Variants in GALNTL6 observed in about 807,000 individuals in gnomAD.
GALNTL6 encodes the protein polypeptide N-acetylgalactosaminyltransferase like 6, also known as polypeptide N-acetylgalactosaminyltransferase-like 6.
Under a neutral mutation model 73.7 loss-of-function variants are expected in GALNTL6, and 46 were observed. The ratio of observed to expected loss-of-function variants is 0.62; its 90% confidence interval spans 0.49 to 0.80. The LOEUF is 0.80. GALNTL6 is among the 30% of genes least tolerant of loss of function. The probability of loss-of-function intolerance (pLI) is 0.00; values close to 1 mark genes in which losing one functional copy is unlikely to be tolerated. For synonymous variants in GALNTL6, 259 were observed against 263.7 expected, an observed-to-expected ratio of 0.98 and a Z score of 0.17; for missense variants, 604 against 755.0, an observed-to-expected ratio of 0.80 and a Z score of 2.34.
At chr4:171,865,258 T>C (rs766503788) in intron 2 of GALNTL6, among the ~76,000 whole-genome samples, 1 of 152,086 alleles carries the variant, frequency 6.6e-6, no homozygotes, top group Non-Finnish European at 1.5e-5. Flanking sequence ...AGAAATGAAT[T>C]GTGAAATATA....
At chr4:172,216,570 C>T (rs1184024063) in intron 2 of GALNTL6, among the ~76,000 whole-genome samples, 2 of 151,994 alleles carry the variant, frequency 1.3e-5, no homozygotes, top group East Asian at 3.9e-4. Flanking sequence ...TTGGTATTCT[C>T]TGTTTTTCTT....
intron 2 of GALNTL6, among the ~76,000 whole-genome samples, chr4:172,121,218 T>G (rs1400122942): frequency 6.6e-6 from 1 of 151,156 alleles, no homozygotes; most frequent in African/African-American, 2.4e-5. Context: ...AAGTCCAAGT[T>G]TGGACAGGCA....
At chr4:171,894,454 G>A (rs751173930) in intron 2 of GALNTL6, among the ~76,000 whole-genome samples, 1 of 152,146 alleles carries the variant, frequency 6.6e-6, no homozygotes, top group Non-Finnish European at 1.5e-5. Context: ...ACTCTAGATA[G>A]GCATAGTAAG....
intron 2 of GALNTL6, among the ~76,000 whole-genome samples, chr4:172,197,025 T>C (rs577053705): frequency 4.0e-4 from 61 of 152,288 alleles, no homozygotes; most frequent in African/African-American, 1.4e-3. Flanking sequence ...GACATGATTC[T>C]ATATCTAGAA....
intron 3 of GALNTL6, among the ~76,000 whole-genome samples, chr4:172,247,321 C>T (rs898279178): frequency 6.6e-6 from 1 of 152,144 alleles, no homozygotes; most frequent in Admixed American, 6.5e-5. Flanking sequence ...AAAGCATTAT[C>T]CCCTATTTTT....
chr4:172,059,638 A>G (rs958668194), intron 2 of GALNTL6, among the ~76,000 whole-genome samples: 2 of 152,208 alleles, frequency 1.3e-5, no homozygotes, highest in Non-Finnish European at 2.9e-5. Context: ...TGGAGCTGAA[A>G]AAAAGTCATG....
At chr4:172,599,547 C>T (rs9990624) in intron 5 of GALNTL6, among the ~76,000 whole-genome samples, 19,057 of 152,016 alleles carry the variant, frequency 0.13, 1,333 homozygotes, top group East Asian at 0.22. Flanking sequence ...ATGCCCTTAA[C>T]GATTTAAAGG....
chr4:172,676,159 T>G (rs1314080662), intron 5 of GALNTL6, among the ~76,000 whole-genome samples: 1 of 152,232 alleles, frequency 6.6e-6, no homozygotes, highest in African/African-American at 2.4e-5. Context: ...CTTTTATTAC[T>G]TAGCCATGTA....
chr4:172,858,556 A>G (rs1027325099), intron 7 of GALNTL6, among the ~76,000 whole-genome samples: 1 of 152,188 alleles, frequency 6.6e-6, no homozygotes, highest in Non-Finnish European at 1.5e-5. Context: ...CTGGCCTGGC[A>G]TAGTGGCTCA....
At chr4:172,919,070 T>A (rs2111286988) in intron 8 of GALNTL6, among the ~76,000 whole-genome samples, 1 of 152,358 alleles carries the variant, frequency 6.6e-6, no homozygotes, top group South Asian at 2.1e-4. Flanking sequence ...AGCATTTGAC[T>A]GAGTGCTTGT....
chr4:171,973,819 A>G (rs944879085), intron 2 of GALNTL6, among the ~76,000 whole-genome samples: 3 of 152,142 alleles, frequency 2.0e-5, no homozygotes, highest in Non-Finnish European at 4.4e-5. Flanking sequence ...TTTGTCACTT[A>G]TATGGTACCA....
chr4:173,033,744 C>T (rs1376522701), intron 12 of GALNTL6, among the ~76,000 whole-genome samples: 1 of 152,200 alleles, frequency 6.6e-6, no homozygotes, highest in African/African-American at 2.4e-5. Context: ...TAATTCCAAG[C>T]CTTCATTCCC....
intron 7 of GALNTL6, among the ~76,000 whole-genome samples, chr4:172,826,663 T>C (rs948653113): frequency 1.3e-5 from 2 of 152,192 alleles, no homozygotes; most frequent in African/African-American, 4.8e-5. Context: ...GACATCCCTT[T>C]AGCCTCCAGA....
intron 5 of GALNTL6, among the ~76,000 whole-genome samples, chr4:172,797,198 T>G (rs1432941548): frequency 6.6e-6 from 1 of 152,172 alleles, no homozygotes; most frequent in Non-Finnish European, 1.5e-5. Flanking sequence ...AGAAGAGATT[T>G]TATTGCTCCC....
At chr4:172,260,674 C>G (rs932020945) in intron 3 of GALNTL6, among the ~76,000 whole-genome samples, 1 of 151,512 alleles carries the variant, frequency 6.6e-6, no homozygotes, top group Non-Finnish European at 1.5e-5. Flanking sequence ...GAATCCTTGT[C>G]TTGTTCCAGT....
intron 5 of GALNTL6, among the ~76,000 whole-genome samples, chr4:172,590,880 A>G (rs1220270791): frequency 1.3e-5 from 2 of 152,130 alleles, no homozygotes; most frequent in Non-Finnish European, 2.9e-5. Context: ...AGTGCATGAT[A>G]TGTGTATGGG....
At chr4:172,650,388 A>G (rs2111148792) in intron 5 of GALNTL6, among the ~76,000 whole-genome samples, 2 of 152,364 alleles carry the variant, frequency 1.3e-5, no homozygotes, top group Admixed American at 1.3e-4. Flanking sequence ...ATAAAAAAGC[A>G]TAACAGAAGA....
chr4:171,985,994 C>A (rs1279891851), intron 2 of GALNTL6, among the ~76,000 whole-genome samples: 3 of 146,666 alleles, frequency 2.0e-5, no homozygotes, highest in African/African-American at 7.7e-5. Flanking sequence ...GCCGAGAATG[C>A]ACCACTGCAC....
chr4:172,284,140 G>C (rs554363092), intron 3 of GALNTL6, among the ~76,000 whole-genome samples: 12 of 151,958 alleles, frequency 7.9e-5, no homozygotes, highest in Non-Finnish European at 1.5e-4. Flanking sequence ...TAGGCACTTT[G>C]CTTTATTTCT....
Sources: allele counts gnomAD v4.1 joint callset (sites outside exome capture counted in the v4.1 genomes callset), GRCh38; gene constraint gnomAD v4.1.1; transcripts MANE v1.5; gene names NCBI Gene and HGNC (gene_info 2026-07-23, HGNC 2026-07-21).